The following CUL4A variants were observed in gnomAD, a reference collection of about 807,000 sequenced individuals.
CUL4A encodes cullin 4A, also known as cullin-4A.
A neutral mutation model predicts 95.5 loss-of-function variants in CUL4A; 16 were observed. The ratio of observed to expected loss-of-function variants is 0.17; its 90% CI spans 0.11 to 0.25. The LOEUF (loss-of-function observed/expected upper bound fraction) is 0.25. Ranked by LOEUF, CUL4A falls within the 10% of genes least tolerant of loss-of-function variation. The probability of loss-of-function intolerance (pLI) is 1.00; values close to 1 mark genes in which losing one functional copy is unlikely to be tolerated. For synonymous variants in CUL4A, 380 were observed against 353.1 expected (o/e 1.08, Z -0.85); for missense variants, 610 against 937.0 (o/e 0.65, Z 4.56).
intron 9 of CUL4A, among the ~76,000 whole-genome samples, 156 bp from the exon 10 acceptor site, chr13:113,239,277 A>G (rs1043406431): frequency 6.6e-6 from 1 of 152,252 alleles, no homozygotes; most frequent in Admixed American, 6.5e-5. Context: ...TCACATATTT[A>G]ACCAGATCAA....
intron 5 of CUL4A, among the ~76,000 whole-genome samples, chr13:113,230,712 A>G (rs1287517956): frequency 6.6e-6 from 1 of 152,206 alleles, no homozygotes; most frequent in East Asian, 1.9e-4. Context: ...AGTTAAAATA[A>G]CTTGCCCTAC....
Position 113,264,753 on chromosome 13 carries a change from A to C in CUL4A, c.*1171A>C, listed in dbSNP as rs1443551081. 1 of 152,670 alleles carries C rather than the reference A, an allele frequency of 6.6e-6. No homozygotes were observed. Among genetic ancestry groups the C allele is most frequent in the African/African-American group, 2.4e-5 (1 of 41,460 alleles). The allele number at this position is 152,670 out of a possible 1,614,324, so 9.5% of individuals were successfully genotyped here. A position where few individuals can be genotyped will look rare whatever the true frequency, so the allele number is the denominator to read the frequency against. On this transcript the variant is annotated 3_prime_UTR_variant, in exon 20 of 20. Coordinates refer to ENST00000375440, the MANE Select transcript of CUL4A (RefSeq NM_001008895.4). ...AGTGTTTAAAGCAATATTTTCTGGAATATACCAAGTTTATATAATTTGATT... is the reference window on the plus strand; with the variant it reads ...AGTGTTTAAAGCAATATTTTCTGGACTATACCAAGTTTATATAATTTGATT...
At chr13:113,228,102 A>T in intron 4 of CUL4A, 57 bp downstream of exon 4, 2 of 1,261,866 alleles carry the variant, frequency 1.6e-6, no homozygotes, top group Non-Finnish European at 2.3e-6. Context: ...CCTCACCCAC[A>T]TGATTGAGAG....
At chr13:113,231,487 G>T (rs372389964) in intron 5 of CUL4A, among the ~76,000 whole-genome samples, 23 of 152,276 alleles carry the variant, frequency 1.5e-4, no homozygotes, top group African/African-American at 5.5e-4. Flanking sequence ...GCCCTGAAGG[G>T]TTTTTCAGCT....
chr13:113,237,034 G>GT (rs1482610372), intron 9 of CUL4A, 144 bp downstream of exon 9: 1 of 597,398 alleles, frequency 1.7e-6, no homozygotes, highest in African/African-American at 1.9e-5. Flanking sequence ...TAATGAACAT[G>GT]TTAGCCATCC....
intron 8 of CUL4A, among the ~76,000 whole-genome samples, chr13:113,236,179 G>A (rs1310105180): frequency 6.6e-6 from 1 of 152,104 alleles, no homozygotes; most frequent in East Asian, 1.9e-4. Context: ...AACAGAGAGG[G>A]TGCAGAAAAA....
chr13:113,246,057 C>T lies in CUL4A; in HGVS notation c.1632C>T (p.Thr544=), dbSNP rs2041848642. ...PTYTPMEVHL[T]PEMIKLQEVF... ...ACACGCCCATGGAAGTGCACTTAAC[C>T]CCAGAAGTAAGTGTGCAGAAAGCAT... Residue 544 remains threonine (T), a synonymous_variant, in exon 15 of 20, where the codon ACC becomes ACT. Coordinates refer to ENST00000375440, the MANE Select transcript of CUL4A (RefSeq NM_001008895.4). The T allele has an allele frequency of 4.3e-6, 7 of 1,612,090 alleles. No homozygotes were observed. Among genetic ancestry groups the T allele is most frequent in the Non-Finnish European group, 5.9e-6 (7 of 1,178,678 alleles).
intron 10 of CUL4A, among the ~76,000 whole-genome samples, chr13:113,242,219 C>G (rs992823154): frequency 6.6e-6 from 1 of 151,568 alleles, no homozygotes; most frequent in Non-Finnish European, 1.5e-5. Flanking sequence ...GAGCCGAGAT[C>G]ACGCCACTGC....
intron 15 of CUL4A, among the ~76,000 whole-genome samples, chr13:113,251,055 A>G (rs2041982513): frequency 6.6e-6 from 1 of 152,216 alleles, no homozygotes; most frequent in South Asian, 2.1e-4. Context: ...AGAGAGCAGC[A>G]GGCATTTATG....
intron 10 of CUL4A, among the ~76,000 whole-genome samples, chr13:113,242,102 G>A (rs890955116): frequency 2.0e-5 from 3 of 152,110 alleles, no homozygotes; most frequent in African/African-American, 7.2e-5. Flanking sequence ...AGATCATGAA[G>A]TCAAGAGATC....
intron 2 of CUL4A, among the ~76,000 whole-genome samples, chr13:113,216,021 A>G (rs371051993): frequency 3.6e-5 from 4 of 110,742 alleles, no homozygotes; most frequent in South Asian, 3.2e-4. Context: ...GTGGCTGTGG[A>G]GGTCGTGTGT....
rs1403200117 is a variant in CUL4A at position 113,264,416 on chromosome 13, T to G, written c.*834T>G. 1 of 152,202 alleles carries G rather than the reference T, an allele frequency of 6.6e-6. No individual in the cohort carries two copies. Among genetic ancestry groups the G allele is most frequent in the Non-Finnish European group, 1.5e-5 (1 of 68,034 alleles). 9.4% of individuals were successfully genotyped at this position (152,202 alleles called of 1,614,324 possible). ...TGCAATAATAAAGTTTGGTTTGGTT[T>G]TTACAGTCATGCGCAGGGACGATCC... On this transcript the variant is annotated 3_prime_UTR_variant, in exon 20 of 20. Coordinates refer to ENST00000375440, the MANE Select transcript of CUL4A (RefSeq NM_001008895.4).
intron 5 of CUL4A, 148 bp from the exon 6 acceptor site, chr13:113,233,029 G>C: frequency 1.2e-6 from 1 of 830,586 alleles, no homozygotes. Flanking sequence ...AGAAACAGAA[G>C]TTTTTAAAAG....
intron 5 of CUL4A, chr13:113,229,851 A>C (rs1193940180): frequency 2.1e-6 from 1 of 465,728 alleles, no homozygotes. Context: ...AAACTCGGAG[A>C]AAGACTGCCT....
chr13:113,263,923 C>T lies in CUL4A; in HGVS notation c.*341C>T, dbSNP rs182020381. The T allele has an allele frequency of 2.2e-5, 4 of 184,486 alleles. No individual in the cohort carries two copies. Among genetic ancestry groups the T allele is most frequent in the Admixed American group, 1.9e-4 (3 of 16,216 alleles). 11.4% of individuals were successfully genotyped at this position (184,486 alleles called of 1,614,324 possible). A position where few individuals can be genotyped will look rare whatever the true frequency, so the allele number is the denominator to read the frequency against. On this transcript the variant is annotated 3_prime_UTR_variant, in exon 20 of 20. Coordinates refer to ENST00000375440, the MANE Select transcript of CUL4A (RefSeq NM_001008895.4). ...AAAAGCTGCAAGTTTGGTTTGTTCT[C>T]GTGTGTGATCATGAGTGCACAATGA...
At chr13:113,223,551 C>T (rs1179975579) in intron 3 of CUL4A, among the ~76,000 whole-genome samples, 1 of 152,192 alleles carries the variant, frequency 6.6e-6, no homozygotes, top group African/African-American at 2.4e-5. Flanking sequence ...GAATGCGCCA[C>T]CACGCCTGGC....
At chr13:113,223,072 C>A (rs1182032127) in intron 3 of CUL4A, among the ~76,000 whole-genome samples, 1 of 152,130 alleles carries the variant, frequency 6.6e-6, no homozygotes, top group Non-Finnish European at 1.5e-5. Flanking sequence ...CAGGAAGTGG[C>A]TGGTTACTGT....
intron 16 of CUL4A, 80 bp downstream of exon 16, chr13:113,253,275 G>T (rs2042040279): frequency 1.6e-6 from 1 of 619,118 alleles, no homozygotes; most frequent in Non-Finnish European, 2.6e-6. Context: ...GACTTTAGTA[G>T]CAAAAAAGGA....
chr13:113,209,777 TG>T lies in CUL4A; in HGVS notation c.148+5del. Reference sequence around the variant, plus strand: ...AGCTGGTCATCAAGAACTTCCGAGGTGGGTGCGGCGGCCGGGTCGAGGGCCA... The same window carrying T: ...AGCTGGTCATCAAGAACTTCCGAGGTGGTGCGGCGGCCGGGTCGAGGGCCA... On this transcript the variant is annotated splice_donor_region_variant and intron_variant, in intron 1 of 19. Coordinates refer to ENST00000375440, the MANE Select transcript of CUL4A (RefSeq NM_001008895.4). The T allele has an allele frequency of 8.5e-7, 1 of 1,173,972 alleles. No individual in the cohort carries two copies. The highest frequency in any genetic ancestry group is 1.1e-6 in the Non-Finnish European group (1 of 951,648). 72.7% of individuals were successfully genotyped at this position (1,173,972 alleles called of 1,614,324 possible).
Sources: gnomAD v4.1 joint callset for allele counts (sites outside exome capture counted in the v4.1 genomes callset) on GRCh38, gnomAD v4.1.1 for gene constraint, MANE v1.5 for transcripts, NCBI Gene and HGNC (gene_info 2026-07-23, HGNC 2026-07-21) for gene names.